The following SERPINC1 variants were observed in gnomAD, a reference collection of about 807,000 sequenced individuals.
The protein encoded by SERPINC1 is antithrombin-III.
In SERPINC1, 12 loss-of-function variants were observed where a neutral mutation model predicts 43.4. The observed-to-expected ratio is 0.28, with a 90% CI of 0.18 to 0.45. The LOEUF is 0.45. SERPINC1 is among the 20% of genes least tolerant of loss of function. The pLI is 1.00. For synonymous variants in SERPINC1, 210 were observed against 218.9 expected (o/e 0.96, Z 0.36); for missense variants, 423 against 578.8 (o/e 0.73, Z 2.76).
chr1:173,905,018 G>T (rs1256344734), intron 6 of SERPINC1, among the ~76,000 whole-genome samples: 2 of 152,114 alleles, frequency 1.3e-5, no homozygotes, highest in Non-Finnish European at 2.9e-5. Context: ...TACATATTGT[G>T]TACTGGGCTC....
At chr1:173,905,661 C>T (rs1657467814) in intron 6 of SERPINC1, among the ~76,000 whole-genome samples, 1 of 151,868 alleles carries the variant, frequency 6.6e-6, no homozygotes, top group African/African-American at 2.4e-5. Flanking sequence ...GCGGAGGTTG[C>T]AGTGAACTGA....
At position 173,909,919 on chromosome 1, in the gene SERPINC1, G is replaced by A; in HGVS notation, c.786C>T (p.Ser262=). 1 of 1,614,154 alleles carries A rather than the reference G, an allele frequency of 6.2e-7. No individual in the cohort carries two copies. The highest frequency in any genetic ancestry group is 8.5e-7 in the Non-Finnish European group (1 of 1,180,040). The change falls in exon 5 of 7, where the codon AGC becomes AGT. Residue 262 remains serine (S), a synonymous_variant. Transcript: ENST00000367698. Reference sequence around the variant, plus strand: ...ACAGTTCCTTCCTTGTGTTCTCAGGGCTGAACTTTGACTTCCACAGGCCCT... The same window carrying A: ...ACAGTTCCTTCCTTGTGTTCTCAGGACTGAACTTTGACTTCCACAGGCCCT... ...YFKGLWKSKF[S]PENTRKELFY...
chr1:173,907,962 CAA>C (rs901750120), intron 5 of SERPINC1, among the ~76,000 whole-genome samples: 3 of 148,348 alleles, frequency 2.0e-5, no homozygotes, highest in Admixed American at 6.8e-5. Flanking sequence ...GCCTGGGCAA[CAA>C]GAGCAAAACT....
intron 5 of SERPINC1, among the ~76,000 whole-genome samples, chr1:173,908,639 C>T (rs1657632598): frequency 6.6e-6 from 1 of 152,152 alleles, no homozygotes; most frequent in South Asian, 2.1e-4. Flanking sequence ...CAGTACACCA[C>T]AGCGTTGACC....
At chr1:173,912,107 C>T in intron 2 of SERPINC1, 93 bp from the exon 3 acceptor site, 1 of 869,706 alleles carries the variant, frequency 1.1e-6, no homozygotes, top group Middle Eastern at 2.3e-4. Context: ...TGACTAATAG[C>T]CACCTCAGTT....
At chr1:173,904,333 G>T (rs1307073828) in intron 6 of SERPINC1, among the ~76,000 whole-genome samples, 1 of 152,134 alleles carries the variant, frequency 6.6e-6, no homozygotes, top group East Asian at 1.9e-4. Flanking sequence ...ATGTACACAG[G>T]TTATCACATT....
At chr1:173,914,446 G>GC (rs1657901073) in intron 2 of SERPINC1, 107 bp downstream of exon 2, 2 of 1,217,732 alleles carry the variant, frequency 1.6e-6, no homozygotes, top group Admixed American at 3.5e-5. Flanking sequence ...CATAATGAGC[G>GC]CCCCTAGTGG....
intron 5 of SERPINC1, among the ~76,000 whole-genome samples, chr1:173,908,618 T>C (rs1657631261): frequency 6.6e-6 from 1 of 152,054 alleles, no homozygotes; most frequent in Admixed American, 6.6e-5. Context: ...TGGAGTGCAG[T>C]GGTGTGATCA....
At position 173,909,871 on chromosome 1, in the gene SERPINC1, C is replaced by A. The variant is rs753390084; in HGVS notation, c.834G>T (p.Ser278=). 1 of 1,614,104 alleles carries A rather than the reference C, an allele frequency of 6.2e-7. No individual in the cohort carries two copies. Among genetic ancestry groups the A allele is most frequent in the South Asian group, 1.1e-5 (1 of 91,088 alleles). The change falls in exon 5 of 7, where the codon TCG becomes TCT. Residue 278 remains serine, a synonymous_variant. Transcript: ENST00000367698. ...CCTGGTACATCATAGATGCTGAACACGACTCTCCATCAGCCTTGTAGAACA... is the reference window on the plus strand; with the variant it reads ...CCTGGTACATCATAGATGCTGAACAAGACTCTCCATCAGCCTTGTAGAACA... The part of the protein sequence containing the change: ...KELFYKADGE[S]CSASMMYQEG...
intron 2 of SERPINC1, among the ~76,000 whole-genome samples, chr1:173,913,119 T>C (rs767367604): frequency 3.3e-5 from 5 of 152,162 alleles, no homozygotes; most frequent in Non-Finnish European, 5.9e-5. Flanking sequence ...CCACAGACTT[T>C]AGTGTCCAAG....
intron 6 of SERPINC1, among the ~76,000 whole-genome samples, chr1:173,906,635 CT>C (rs746811672): frequency 0.01 from 1,432 of 140,930 alleles, 2 homozygotes; most frequent in Middle Eastern, 0.018. Context: ...AGTCTCCAAA[CT>C]TTTTTTTTTT....
At chr1:173,913,085 G>A (rs1657838142) in intron 2 of SERPINC1, among the ~76,000 whole-genome samples, 1 of 152,170 alleles carries the variant, frequency 6.6e-6, no homozygotes, top group Admixed American at 6.6e-5. Flanking sequence ...TTGACCACTA[G>A]AATAGAAGGA....
chr1:173,917,011 C>G (rs913277132), intron 1 of SERPINC1, among the ~76,000 whole-genome samples: 1 of 152,058 alleles, frequency 6.6e-6, no homozygotes, highest in Non-Finnish European at 1.5e-5. Flanking sequence ...AGGCTAGGGA[C>G]CCAAGGGGTA....
In SERPINC1 at chr1:173,909,587, A is replaced by T. The variant is rs1437440717; in HGVS notation, c.1118T>A (p.Val373Asp). Residue 373 changes from valine to aspartate, a missense_variant, in exon 5 of 7, where the codon GTC (valine) becomes GAC (aspartate). Coordinates refer to ENST00000367698, the MANE Select transcript of SERPINC1 (RefSeq NM_000488.4). ...GGACTTTTCAGGGCTGAACAGATCGACAAGGCCCATGTCTTGCAGCTGCTC... is the reference window on the plus strand; with the variant it reads ...GGACTTTTCAGGGCTGAACAGATCGTCAAGGCCCATGTCTTGCAGCTGCTC... ...LKEQLQDMGL[V>D]DLFSPEKSKL... 3.7e-6 allele frequency: 6 copies of T among 1,613,920 alleles called. No homozygotes were observed. Among genetic ancestry groups the T allele is most frequent in the Admixed American group, 3.3e-5 (2 of 60,008 alleles).
chr1:173,916,809 G>A (rs1658009225), intron 1 of SERPINC1, among the ~76,000 whole-genome samples: 1 of 152,170 alleles, frequency 6.6e-6, no homozygotes, highest in Non-Finnish European at 1.5e-5. Context: ...TTTGGGTGGG[G>A]GTGGAGTGGG....
intron 6 of SERPINC1, among the ~76,000 whole-genome samples, chr1:173,904,613 G>A (rs1438871730): frequency 6.6e-6 from 1 of 152,140 alleles, no homozygotes; most frequent in East Asian, 1.9e-4. Context: ...CAGATCTAGA[G>A]GGAAACACCT....
chr1:173,910,823 G>T lies in SERPINC1; in HGVS notation c.693C>A (p.Thr231=), dbSNP rs140452859. The T allele has an allele frequency of 6.2e-7, 1 of 1,613,738 alleles. No individual in the cohort carries two copies. Among genetic ancestry groups the T allele is most frequent in the African/African-American group, 1.3e-5 (1 of 74,896 alleles). The change falls in exon 4 of 7, where the codon ACC becomes ACA. Residue 231 remains threonine (T), a synonymous_variant. Transcript: ENST00000367698. ...TGATGGCTTCCGAGGGAATGACATCGGTGATTCGGCCTTCGGTCTTATTGG... is the reference window on the plus strand; with the variant it reads ...TGATGGCTTCCGAGGGAATGACATCTGTGATTCGGCCTTCGGTCTTATTGG... The part of the protein sequence containing the change: ...WVSNKTEGRI[T]DVIPSEAINE...
intron 6 of SERPINC1, among the ~76,000 whole-genome samples, chr1:173,904,354 A>AC (rs1174126034): frequency 6.6e-6 from 1 of 152,172 alleles, no homozygotes; most frequent in African/African-American, 2.4e-5. Flanking sequence ...TCTGGCTGGT[A>AC]CCATTGTAAA....
At chr1:173,911,404 T>C (rs1394370143) in intron 3 of SERPINC1, among the ~76,000 whole-genome samples, 3 of 152,250 alleles carry the variant, frequency 2.0e-5, no homozygotes, top group African/African-American at 7.2e-5. Context: ...AGAACCTTCA[T>C]AGGCCCATGT....
Sources: gnomAD v4.1 joint callset for allele counts (sites outside exome capture counted in the v4.1 genomes callset) on GRCh38, gnomAD v4.1.1 for gene constraint, MANE v1.5 for transcripts, NCBI Gene and HGNC (gene_info 2026-07-23, HGNC 2026-07-21) for gene names.